Variants in NEK11 observed in about 807,000 individuals in gnomAD.
The protein encoded by NEK11 is serine/threonine-protein kinase Nek11.
A neutral mutation model predicts 80.7 loss-of-function variants in NEK11; 72 were observed. That is an observed-to-expected ratio of 0.89 (90% CI 0.74 to 1.08). The LOEUF (loss-of-function observed/expected upper bound fraction) is 1.08, where lower values mean the gene tolerates loss of function less well. Ranked by LOEUF, NEK11 falls within the 50% of genes least tolerant of loss-of-function variation. The probability of loss-of-function intolerance (pLI) is 0.00; values close to 1 mark genes in which losing one functional copy is unlikely to be tolerated. For synonymous variants in NEK11, 251 were observed against 260.7 expected (o/e 0.96, Z 0.36); for missense variants, 764 against 763.6 (o/e 1.00, Z -0.01).
rs368820873 is a variant in NEK11 at position 131,126,696 on chromosome 3, C to T, written c.456-6049C>T. Among the ~76,000 whole-genome samples the T allele has an allele frequency of 4.6e-5, 7 of 152,094 alleles. No homozygotes were observed. The East Asian group carries it at 1.4e-3, about 29-fold the overall frequency. On this transcript the variant is annotated intron_variant, in intron 5 of 17. Coordinates refer to ENST00000383366, the MANE Select transcript of NEK11 (RefSeq NM_024800.5). ...TTGTGGATTTTTGTTTTAAATTCTG[C>T]TTGGGATTTCTTTTGCTTCTGAGCT...
chr3:131,246,104 A>G (rs2095598719), intron 16 of NEK11, among the ~76,000 whole-genome samples: 1 of 152,076 alleles, frequency 6.6e-6, no homozygotes. Flanking sequence ...TTAAACAAAA[A>G]AATTTTTTTT....
At chr3:131,028,715 C>T in intron 2 of NEK11, among the ~76,000 whole-genome samples, 1 of 152,162 alleles carries the variant, frequency 6.6e-6, no homozygotes, top group East Asian at 1.9e-4. Context: ...GCGCCCGCTA[C>T]AATGCCCGGC....
In NEK11 at chr3:131,180,093, T is replaced by G. The variant is rs150347994; in HGVS notation, c.1399+9206T>G. On this transcript the variant is annotated intron_variant, in intron 14 of 17. Transcript: ENST00000383366. ...TACCACCACCATCTCAGCATTTGGC[T>G]TTCAATGTTCCCACAAGCAGCAGAA... Among the ~76,000 whole-genome samples the G allele has an allele frequency of 3.4e-3, 514 of 152,288 alleles. 2 individuals are homozygous for G. Among genetic ancestry groups the G allele is most frequent in the African/African-American group, 0.011 (472 of 41,554 alleles).
At chr3:131,326,402 C>A (rs1022389551) in intron 17 of NEK11, 2 of 152,426 alleles carry the variant, frequency 1.3e-5, no homozygotes, top group African/African-American at 4.8e-5. Flanking sequence ...TTGTCTCTTA[C>A]CATTCTTCTC....
chr3:131,040,422 T>C (rs963077550), intron 3 of NEK11, among the ~76,000 whole-genome samples: 1 of 152,198 alleles, frequency 6.6e-6, no homozygotes, highest in African/African-American at 2.4e-5. Flanking sequence ...TTCATGGGTA[T>C]ATACATATAT....
chr3:131,241,161 G>T (rs542126525), intron 15 of NEK11, among the ~76,000 whole-genome samples: 2 of 152,202 alleles, frequency 1.3e-5, no homozygotes, highest in East Asian at 1.9e-4. Context: ...AAATATACTT[G>T]TTGGGAAGTG....
intron 4 of NEK11, among the ~76,000 whole-genome samples, chr3:131,095,799 C>G (rs565416788): frequency 1.7e-4 from 26 of 152,144 alleles, no homozygotes; most frequent in African/African-American, 6.0e-4. Flanking sequence ...TTGGAAACTT[C>G]CAAAGTTGGT....
intron 3 of NEK11, among the ~76,000 whole-genome samples, chr3:131,079,486 A>G (rs999344128): frequency 2.6e-5 from 4 of 152,234 alleles, no homozygotes; most frequent in African/African-American, 7.2e-5. Flanking sequence ...TGAACTGCCA[A>G]TGCTTGCTTA....
At chr3:131,302,414 CTTG>C (rs766954602) in intron 17 of NEK11, among the ~76,000 whole-genome samples, 1 of 152,070 alleles carries the variant, frequency 6.6e-6, no homozygotes, top group Non-Finnish European at 1.5e-5. Flanking sequence ...TGGTTTGCCT[CTTG>C]TTTTTCTAAT....
At chr3:131,102,236 G>C (rs547004917) in intron 4 of NEK11, among the ~76,000 whole-genome samples, 37 of 152,170 alleles carry the variant, frequency 2.4e-4, no homozygotes. Flanking sequence ...GTTGTTAGCC[G>C]GTTGTTATGT....
intron 15 of NEK11, among the ~76,000 whole-genome samples, chr3:131,235,533 G>T (rs1221533017): frequency 2.0e-5 from 3 of 152,224 alleles, no homozygotes; most frequent in South Asian, 2.1e-4. Context: ...GGGAGGAAAG[G>T]GTTGTGACAC....
chr3:131,199,029 C>T (rs1002392910), intron 14 of NEK11, among the ~76,000 whole-genome samples: 12 of 152,124 alleles, frequency 7.9e-5, no homozygotes, highest in African/African-American at 2.7e-4. Context: ...AATTTTGCCC[C>T]TACGTATTTA....
At chr3:131,086,557 C>T (rs1204227812) in intron 4 of NEK11, among the ~76,000 whole-genome samples, 1 of 152,200 alleles carries the variant, frequency 6.6e-6, no homozygotes, top group Non-Finnish European at 1.5e-5. Flanking sequence ...GGGGTTCCTT[C>T]AGATTGGCTC....
chr3:131,148,744 G>GATATAT lies in NEK11; in HGVS notation c.648-3630_648-3625dup, dbSNP rs5852616. ...GGGGTACATGTGCAGGTTTGTTACA[G>GATATAT]ATATATATATATATATATAATATGT... On this transcript the variant is annotated intron_variant, in intron 7 of 17. Coordinates refer to ENST00000383366, the MANE Select transcript of NEK11 (RefSeq NM_024800.5). Among the ~76,000 whole-genome samples the GATATAT allele has an allele frequency of 5.4e-5, 8 of 149,060 alleles. 1 individual carries two copies. Among genetic ancestry groups the GATATAT allele is most frequent in the East Asian group, 2.0e-4 (1 of 5,118 alleles).
At chr3:131,259,088 C>T (rs904196837) in intron 16 of NEK11, among the ~76,000 whole-genome samples, 1 of 152,050 alleles carries the variant, frequency 6.6e-6, no homozygotes, top group African/African-American at 2.4e-5. Context: ...AGATTTTTAC[C>T]TTTCCAAACA....
chr3:131,285,409 T>A (rs1375818953), intron 17 of NEK11, among the ~76,000 whole-genome samples: 1 of 152,206 alleles, frequency 6.6e-6, no homozygotes, highest in Non-Finnish European at 1.5e-5. Flanking sequence ...GAGCCCTGCG[T>A]CTACCAGTCA....
chr3:131,094,326 C>A (rs1203289501), intron 4 of NEK11, among the ~76,000 whole-genome samples: 1 of 151,928 alleles, frequency 6.6e-6, no homozygotes, highest in Non-Finnish European at 1.5e-5. Context: ...GCATTAAAAT[C>A]TTTCAATATT....
Position 131,029,653 on chromosome 3 carries a change from G to C in NEK11, c.-56G>C. ...GGATGAATTTGACCATTTCTTAGGA[G>C]ACTGGAATGTTAAGTTTCTATAAAT... On this transcript the variant is annotated 5_prime_UTR_variant, in exon 3 of 18. Transcript: ENST00000383366. 6.5e-7 allele frequency: 1 copy of C among 1,529,854 alleles called. No homozygotes were observed. Among genetic ancestry groups the C allele is most frequent in the Non-Finnish European group, 9.0e-7 (1 of 1,111,684 alleles). 94.8% of individuals were successfully genotyped at this position (1,529,854 alleles called of 1,614,324 possible).
At chr3:131,210,290 A>C (rs1256704921) in intron 14 of NEK11, among the ~76,000 whole-genome samples, 2 of 152,112 alleles carry the variant, frequency 1.3e-5, no homozygotes, top group African/African-American at 4.8e-5. Flanking sequence ...GTTTTGAGTG[A>C]GTTTCTTAAT....
Sources: gnomAD v4.1 joint callset for allele counts (sites outside exome capture counted in the v4.1 genomes callset) on GRCh38, gnomAD v4.1.1 for gene constraint, MANE v1.5 for transcripts, NCBI Gene and HGNC (gene_info 2026-07-23, HGNC 2026-07-21) for gene names.